KIAA1217: variants seen among roughly 807,000 people sequenced by gnomAD.
KIAA1217 encodes sickle tail protein homolog.
KIAA1217 carries 88 observed loss-of-function variants against 163.9 expected under a neutral mutation model. The ratio of observed to expected loss-of-function variants is 0.54; its 90% CI spans 0.45 to 0.64. The LOEUF (loss-of-function observed/expected upper bound fraction) is 0.64, where lower values mean the gene tolerates loss of function less well. KIAA1217 is among the 30% of genes least tolerant of loss of function. KIAA1217 has a pLI of 0.00. For synonymous variants in KIAA1217, 903 were observed against 923.1 expected, an observed-to-expected ratio of 0.98 and a Z score of 0.39; for missense variants, 2,372 against 2,475.0, an observed-to-expected ratio of 0.96 and a Z score of 0.88.
rs74124809 is a variant in KIAA1217 at position 23,958,729 on chromosome 10, G to A, written c.-320-48496G>A. ...TGTTGCAAGATGAAAAACTTAACCC[G>A]AGCGAGTTTAGGCAAAATGGGGAAT... On this transcript the variant is annotated intron_variant, in intron 1 of 18. Coordinates refer to the KIAA1217 transcript ENST00000376462. Among the ~76,000 whole-genome samples, 1,292 of 152,138 alleles carry A rather than the reference G, an allele frequency of 8.5e-3. 19 individuals carry two copies. Among genetic ancestry groups the A allele is most frequent in the African/African-American group, 0.028 (1,156 of 41,484 alleles).
chr10:23,957,935 C>T (rs1844642253), intron 1 of KIAA1217, among the ~76,000 whole-genome samples: 1 of 152,222 alleles, frequency 6.6e-6, no homozygotes, highest in South Asian at 2.1e-4. Flanking sequence ...GTGTCCTCAG[C>T]ACCCCACATA....
chr10:24,055,241 T>C (rs575724428), intron 2 of KIAA1217, among the ~76,000 whole-genome samples: 2 of 152,312 alleles, frequency 1.3e-5, no homozygotes, highest in Admixed American at 1.3e-4. Flanking sequence ...CACTTCATCC[T>C]GGGCAACAGA....
intron 5 of KIAA1217, among the ~76,000 whole-genome samples, chr10:24,448,249 G>T (rs757209490): frequency 2.2e-4 from 33 of 151,868 alleles, no homozygotes; most frequent in Admixed American, 1.0e-3. Flanking sequence ...TTTTGCGTGG[G>T]GGGGGCTGGA....
intron 1 of KIAA1217, among the ~76,000 whole-genome samples, chr10:23,761,972 A>G (rs1282539716): frequency 1.3e-5 from 2 of 152,094 alleles, no homozygotes; most frequent in Non-Finnish European, 2.9e-5. Flanking sequence ...GATACTATTA[A>G]CACCTCTATA....
intron 1 of KIAA1217, among the ~76,000 whole-genome samples, chr10:23,986,511 G>A (rs1033993045): frequency 6.6e-6 from 1 of 152,154 alleles, no homozygotes; most frequent in Non-Finnish European, 1.5e-5. Flanking sequence ...CAATATAAAT[G>A]CTATGTAAAT....
intron 2 of KIAA1217, among the ~76,000 whole-genome samples, chr10:24,133,571 CAAA>C (rs765374458): frequency 6.2e-5 from 7 of 113,706 alleles, no homozygotes; most frequent in African/African-American, 1.3e-4. Flanking sequence ...GACTGTGTCT[CAAA>C]AAAAAAAAAA....
At chr10:24,442,266 A>C (rs1008620421) in intron 5 of KIAA1217, among the ~76,000 whole-genome samples, 2 of 152,114 alleles carry the variant, frequency 1.3e-5, no homozygotes, top group African/African-American at 4.8e-5. Context: ...CCTTGTCTGC[A>C]TTCACAGACA....
intron 2 of KIAA1217, among the ~76,000 whole-genome samples, chr10:24,231,656 A>G (rs2071427494): frequency 1.3e-5 from 2 of 152,224 alleles, no homozygotes; most frequent in Non-Finnish European, 2.9e-5. Flanking sequence ...ACATTTGGAT[A>G]TGATGAAAAA....
intron 2 of KIAA1217, among the ~76,000 whole-genome samples, chr10:24,243,367 AC>A (rs1196164270): frequency 2.0e-5 from 3 of 152,034 alleles, no homozygotes; most frequent in African/African-American, 7.3e-5. Flanking sequence ...CCATTATTCA[AC>A]TAGTGAACAT....
chr10:24,147,832 CAAAAAAAA>C (rs1176106711), intron 2 of KIAA1217, among the ~76,000 whole-genome samples: 8 of 20,770 alleles, frequency 3.9e-4, no homozygotes, highest in South Asian at 3.8e-3. Context: ...TACTCTGTCT[CAAAAAAAA>C]AAAAAAAAAA....
Position 24,531,850 on chromosome 10 carries a change from C to G in KIAA1217, c.3103C>G (p.Gln1035Glu). 1.3e-6 allele frequency: 2 copies of G among 1,599,028 alleles called. No individual in the cohort carries two copies. The highest frequency in any genetic ancestry group is 1.3e-5 in the African/African-American group (1 of 74,512). ...TCCAGAAGATTCTCCAAATTCGGAA[C>G]AGGACTTGGAAAAGCTGGGGGGAAA... ...ELSEDSPNSE[Q>E]DLEKLGGKSP... The change falls in exon 15 of 21, where the codon CAG becomes GAG. Residue 1035 changes from glutamine to glutamate, a missense_variant. Around this residue, in one of 3 missense-constraint regions of KIAA1217, gnomAD observed 1,431 missense variants for 1,470.3 expected, o/e 0.97. Coordinates refer to ENST00000376454, the MANE Select transcript of KIAA1217 (RefSeq NM_019590.5).
chr10:23,717,526 A>G (rs1314345467), intron 1 of KIAA1217, among the ~76,000 whole-genome samples: 2 of 152,166 alleles, frequency 1.3e-5, no homozygotes, highest in East Asian at 1.9e-4. Flanking sequence ...GAATATACAT[A>G]CATTGCTGAA....
At chr10:24,525,033 G>GAGACACCTGGC (rs2071900447) in intron 13 of KIAA1217, among the ~76,000 whole-genome samples, 1 of 108,630 alleles carries the variant, frequency 9.2e-6, no homozygotes, top group Non-Finnish European at 2.2e-5. Flanking sequence ...ACAGCAGTGT[G>GAGACACCTGGC]CTGGTAAATG....
At chr10:23,758,874 A>G (rs957085611) in intron 1 of KIAA1217, among the ~76,000 whole-genome samples, 1 of 150,786 alleles carries the variant, frequency 6.6e-6, no homozygotes, top group Non-Finnish European at 1.5e-5. Flanking sequence ...ATTGTTAGAG[A>G]TGGGGTTTCA....
intron 5 of KIAA1217, among the ~76,000 whole-genome samples, chr10:24,451,028 T>C (rs1036930686): frequency 4.6e-5 from 7 of 152,218 alleles, no homozygotes; most frequent in African/African-American, 1.7e-4. Context: ...AGTATCACAC[T>C]GGTTGTTTAT....
chr10:23,971,276 T>G (rs1845305481), intron 1 of KIAA1217, among the ~76,000 whole-genome samples: 1 of 152,220 alleles, frequency 6.6e-6, no homozygotes, highest in South Asian at 2.1e-4. Flanking sequence ...CTCCACCATT[T>G]TGCATCTTAG....
chr10:24,445,078 C>T lies in KIAA1217; in HGVS notation c.846+6599C>T, dbSNP rs1186263792. Among the ~76,000 whole-genome samples, 5 of 152,168 alleles carry T rather than the reference C, an allele frequency of 3.3e-5. No individual in the cohort carries two copies. The East Asian group carries it at 7.7e-4, about 23-fold the overall frequency. ...TAGAAGATAGCAAACCTTTTTGTGTCTGCAGAGTAGGCAGTGTGTTAAGTA... is the reference window on the plus strand; with the variant it reads ...TAGAAGATAGCAAACCTTTTTGTGTTTGCAGAGTAGGCAGTGTGTTAAGTA... On this transcript the variant is annotated intron_variant, in intron 5 of 20. Transcript: ENST00000376454.
intron 2 of KIAA1217, among the ~76,000 whole-genome samples, chr10:24,232,329 C>T (rs886830798): frequency 1.3e-5 from 2 of 152,128 alleles, no homozygotes; most frequent in South Asian, 2.1e-4. Context: ...GCTTTTGATC[C>T]ATGTTTAATT....
At chr10:24,277,458 A>T (rs2132115350) in intron 2 of KIAA1217, among the ~76,000 whole-genome samples, 1 of 152,330 alleles carries the variant, frequency 6.6e-6, no homozygotes, top group Middle Eastern at 3.4e-3. Context: ...TGCTATGCAG[A>T]TGATATAGTT....
Sources: allele counts gnomAD v4.1 joint callset (sites outside exome capture counted in the v4.1 genomes callset), GRCh38; gene constraint gnomAD v4.1.1; regional missense constraint gnomAD v4.1.1; transcripts MANE v1.5; gene names NCBI Gene and HGNC (gene_info 2026-07-23, HGNC 2026-07-21).